The following NOP58 variants were observed in gnomAD, a reference collection of about 807,000 sequenced individuals.
The protein encoded by NOP58 is NOP58 ribonucleoprotein.
Under a neutral mutation model 71.2 loss-of-function variants are expected in NOP58, and 44 were observed. The ratio of observed to expected loss-of-function variants is 0.62; its 90% CI spans 0.49 to 0.79. The LOEUF is 0.79. Ranked by LOEUF, NOP58 falls within the 30% of genes least tolerant of loss-of-function variation. NOP58 has a pLI of 0.00. For missense variants in NOP58, 538 were observed against 620.2 expected (o/e 0.87, Z 1.41); for synonymous variants, 228 against 200.3 (o/e 1.14, Z -1.17).
At chr2:202,283,813 A>G (rs1688747976) in intron 4 of NOP58, among the ~76,000 whole-genome samples, 2 of 152,142 alleles carry the variant, frequency 1.3e-5, no homozygotes, top group Admixed American at 6.6e-5. Flanking sequence ...TGGTCAAATT[A>G]TATTAATCTT....
chr2:202,293,083 A>G, intron 9 of NOP58, 180 bp downstream of exon 9: 1 of 788,992 alleles, frequency 1.3e-6, no homozygotes, highest in Non-Finnish European at 2.3e-6. Context: ...TGTTTGCCTG[A>G]TTTCCTTTTG....
At chr2:202,292,339 G>T (rs1250226693) in intron 8 of NOP58, among the ~76,000 whole-genome samples, 1 of 151,910 alleles carries the variant, frequency 6.6e-6, no homozygotes, top group Non-Finnish European at 1.5e-5. Context: ...AGATTTTCAG[G>T]CAGTGGACCA....
intron 1 of NOP58, among the ~76,000 whole-genome samples, chr2:202,271,400 CAAAAAAA>C (rs780941347): frequency 1.7e-5 from 2 of 115,054 alleles, no homozygotes. Context: ...TACTAAAATA[CAAAAAAA>C]AAAAAAAAAA....
chr2:202,272,046 A>T (rs1478550399), intron 1 of NOP58, among the ~76,000 whole-genome samples: 2 of 152,092 alleles, frequency 1.3e-5, no homozygotes, highest in East Asian at 1.9e-4. Flanking sequence ...ACGCAGTTCT[A>T]GTCTGGTTAT....
At chr2:202,292,613 G>T (rs992665442) in intron 8 of NOP58, among the ~76,000 whole-genome samples, 164 bp from the exon 9 acceptor site, 6 of 151,562 alleles carry the variant, frequency 4.0e-5, no homozygotes. Context: ...GCTCCAGCCT[G>T]GGAAAAAAAA....
rs528260695 is a variant in NOP58, at chr2:202,277,892, T to G, written c.123-58T>G. ...AGCACTTCTTTCCAAGTTATGTGGC[T>G]TTTGAATCAACGCACTGCCCCCAAT... On this transcript the variant is annotated intron_variant, in intron 2 of 14. Coordinates refer to ENST00000264279, the MANE Select transcript of NOP58 (RefSeq NM_015934.5). 3.9e-5 allele frequency: 35 copies of G among 893,898 alleles called. 1 individual carries two copies. The South Asian group carries it at 4.5e-4, about 12-fold the overall frequency. The allele number at this position is 893,898 out of a possible 1,614,324, so 55.4% of individuals were successfully genotyped here.
chr2:202,279,420 A>G (rs1688663225), intron 3 of NOP58, among the ~76,000 whole-genome samples: 3 of 152,374 alleles, frequency 2.0e-5, no homozygotes, highest in Middle Eastern at 3.4e-3. Context: ...GATAACCATC[A>G]TCTCTATGTT....
chr2:202,268,572 C>G (rs1688458172), intron 1 of NOP58, among the ~76,000 whole-genome samples: 1 of 151,398 alleles, frequency 6.6e-6, no homozygotes, highest in Admixed American at 6.6e-5. Flanking sequence ...ATAATTCATG[C>G]TTTGATGAGA....
intron 1 of NOP58, among the ~76,000 whole-genome samples, chr2:202,273,874 C>T (rs565970806): frequency 5.4e-4 from 81 of 150,416 alleles, no homozygotes; most frequent in Non-Finnish European, 8.6e-4. Context: ...ACCCGGGAGG[C>T]GGAGGCTGCA....
Position 202,265,919 on chromosome 2 carries a change from C to A in NOP58, c.-23C>A. On this transcript the variant is annotated 5_prime_UTR_variant, in exon 1 of 15. Coordinates refer to ENST00000264279, the MANE Select transcript of NOP58 (RefSeq NM_015934.5). Reference sequence around the variant, plus strand: ...ACTCTACAGCTTCTGGCAGGCCGTGCGGCGCCCTGACCCGGCCTCACCATG... The same window carrying A: ...ACTCTACAGCTTCTGGCAGGCCGTGAGGCGCCCTGACCCGGCCTCACCATG... 6.2e-7 allele frequency: 1 copy of A among 1,613,774 alleles called. No individual in the cohort carries two copies. The highest frequency in any genetic ancestry group is 8.5e-7 in the Non-Finnish European group (1 of 1,179,782).
chr2:202,285,105 G>A (rs1688767232), intron 5 of NOP58, among the ~76,000 whole-genome samples: 1 of 152,046 alleles, frequency 6.6e-6, no homozygotes, highest in African/African-American at 2.4e-5. Context: ...GCAGTGGCGT[G>A]ATCTCTGCTC....
At chr2:202,290,232 G>A (rs985481425) in intron 6 of NOP58, 91 bp from the exon 7 acceptor site, 7 of 1,058,694 alleles carry the variant, frequency 6.6e-6, no homozygotes, top group Admixed American at 5.0e-5. Context: ...GAGCCACCGT[G>A]CCCAGCCTGA....
At chr2:202,268,080 T>G (rs879607762) in intron 1 of NOP58, among the ~76,000 whole-genome samples, 2 of 152,138 alleles carry the variant, frequency 1.3e-5, no homozygotes, top group African/African-American at 4.8e-5. Flanking sequence ...TTTGTGAAAA[T>G]GCACTACTAA....
intron 9 of NOP58, 91 bp downstream of exon 9, chr2:202,292,994 G>A: frequency 1.4e-6 from 2 of 1,400,942 alleles, no homozygotes; most frequent in African/African-American, 2.8e-5. Context: ...AGCTGTTAAA[G>A]AAATTTTAGC....
chr2:202,282,767 G>A (rs1259769816), intron 4 of NOP58, among the ~76,000 whole-genome samples: 1 of 152,014 alleles, frequency 6.6e-6, no homozygotes, highest in Middle Eastern at 3.2e-3. Context: ...TTTTTGTCTA[G>A]CCACATTTTT....
chr2:202,301,143 C>A (rs1431704473), intron 13 of NOP58, among the ~76,000 whole-genome samples: 2 of 152,110 alleles, frequency 1.3e-5, no homozygotes, highest in Non-Finnish European at 2.9e-5. Context: ...ATCCAATAAG[C>A]TTTTCCAATT....
intron 6 of NOP58, among the ~76,000 whole-genome samples, chr2:202,289,867 TC>T (rs1312787719): frequency 6.6e-6 from 1 of 152,198 alleles, no homozygotes; most frequent in Middle Eastern, 3.2e-3. Context: ...TGGCAATAGA[TC>T]CTGGTAATGG....
intron 1 of NOP58, among the ~76,000 whole-genome samples, chr2:202,268,767 A>C (rs1688462894): frequency 6.6e-6 from 1 of 151,066 alleles, no homozygotes; most frequent in South Asian, 2.1e-4. Flanking sequence ...ATGCACCACC[A>C]CGCCCAGCTA....
chr2:202,273,090 A>T (rs559125515), intron 1 of NOP58, among the ~76,000 whole-genome samples: 2 of 152,124 alleles, frequency 1.3e-5, no homozygotes, highest in Non-Finnish European at 2.9e-5. Context: ...CTGCCATTGC[A>T]CTCCAGCCTG....
Sources: gnomAD v4.1 joint callset for allele counts (sites outside exome capture counted in the v4.1 genomes callset) on GRCh38, gnomAD v4.1.1 for gene constraint, MANE v1.5 for transcripts, NCBI Gene and HGNC (gene_info 2026-07-23, HGNC 2026-07-21) for gene names.